Variants in TRDN observed in about 807,000 individuals in gnomAD.
TRDN encodes the protein triadin, also known as triadin in skeletal muscle.
In TRDN, 161 loss-of-function variants were observed where a neutral mutation model predicts 149.7. The observed-to-expected ratio is 1.08, with a 90% CI of 0.95 to 1.23. TRDN has a LOEUF of 1.23. Ranked by LOEUF, TRDN falls within the 50% of genes most tolerant of loss-of-function variation. The probability of loss-of-function intolerance (pLI) is 0.00; values close to 1 mark genes in which losing one functional copy is unlikely to be tolerated. For synonymous variants in TRDN, 294 were observed against 250.5 expected (o/e 1.17, Z -1.64); for missense variants, 896 against 823.5 (o/e 1.09, Z -1.08).
chr6:123,306,654 C>G (rs1371289826), intron 24 of TRDN, among the ~76,000 whole-genome samples: 1 of 152,014 alleles, frequency 6.6e-6, no homozygotes, highest in African/African-American at 2.4e-5. Context: ...CTGTCACTCA[C>G]CAATGGGAGC....
chr6:123,267,072 A>C (rs1777035027), intron 32 of TRDN, among the ~76,000 whole-genome samples: 1 of 133,386 alleles, frequency 7.5e-6, no homozygotes. Context: ...GAGCCACTGC[A>C]CTCCAGCCTG....
chr6:123,218,620 T>A lies in TRDN; in HGVS notation c.2171A>T (p.Gln724Leu). Residue 724 changes from glutamine (Q) to leucine (L), a missense_variant, in exon 41 of 41, where the codon CAG becomes CTG. Physicochemically the swap from Gln to Leu is moderately radical, Grantham distance 113. Coordinates refer to ENST00000334268, the MANE Select transcript of TRDN (RefSeq NM_006073.4). ...GTGTGTTTACTGTCCTTGTTGCTTC[T>A]GTCCTGGAGAATTTGCTTGACCAGA... is the stretch of plus-strand genomic sequence containing the variant. ...ESSGQANSPG[Q>L]KQQGQ The A allele has an allele frequency of 6.2e-7, 1 of 1,611,584 alleles. No individual in the cohort carries two copies. Among genetic ancestry groups the A allele is most frequent in the African/African-American group, 1.3e-5 (1 of 74,862 alleles).
At chr6:123,511,902 A>T (rs954901820) in intron 7 of TRDN, among the ~76,000 whole-genome samples, 5 of 151,986 alleles carry the variant, frequency 3.3e-5, no homozygotes, top group African/African-American at 1.2e-4. Context: ...ATCTGTCTAC[A>T]TTTAAAGACT....
intron 1 of TRDN, among the ~76,000 whole-genome samples, chr6:123,635,697 T>G (rs2114756270): frequency 6.6e-6 from 1 of 152,006 alleles, no homozygotes; most frequent in Middle Eastern, 3.4e-3. Context: ...AATATTCTAT[T>G]TTTCAGTTGT....
At position 123,224,071 on chromosome 6, in the gene TRDN, GATCCAAAGACAGCAAACTC is replaced by G. The variant is rs752631150; in HGVS notation, c.2014+3_2014+21del. ...TAGCTTTGAGAGAAAACTTGTAAATGATCCAAAGACAGCAAACTCACCTTTAGCTTTCTTTGAAGCTGGT... is the reference window on the plus strand; with the variant it reads ...TAGCTTTGAGAGAAAACTTGTAAATGACCTTTAGCTTTCTTTGAAGCTGGT... On this transcript the variant is annotated splice_donor_5th_base_variant and intron_variant, in intron 39 of 40. Coordinates refer to ENST00000334268, the MANE Select transcript of TRDN (RefSeq NM_006073.4). 6.3e-7 allele frequency: 1 copy of G among 1,595,550 alleles called. No homozygotes were observed. The highest frequency in any genetic ancestry group is 1.1e-5 in the South Asian group (1 of 89,996).
At chr6:123,452,546 G>T (rs1775844684) in intron 10 of TRDN, among the ~76,000 whole-genome samples, 1 of 151,642 alleles carries the variant, frequency 6.6e-6, no homozygotes, top group Non-Finnish European at 1.5e-5. Context: ...CCTAACCAAG[G>T]AGTCGAAAGA....
chr6:123,254,803 TA>T, intron 37 of TRDN: 3 of 268,632 alleles, frequency 1.1e-5, no homozygotes, highest in South Asian at 5.0e-5. Flanking sequence ...TTATTCATGC[TA>T]AAAAAGTCTT....
intron 12 of TRDN, chr6:123,418,719 C>T (rs1773766511): frequency 6.6e-6 from 1 of 152,186 alleles, no homozygotes; most frequent in Non-Finnish European, 1.5e-5. Flanking sequence ...ATTCCATCTT[C>T]TCGGTTTATA....
intron 38 of TRDN, among the ~76,000 whole-genome samples, chr6:123,238,489 A>C (rs1202194595): frequency 6.6e-6 from 1 of 152,170 alleles, no homozygotes; most frequent in Non-Finnish European, 1.5e-5. Flanking sequence ...AAAAACATAT[A>C]AAAGGAAAAA....
chr6:123,575,482 A>G (rs989259233), intron 1 of TRDN, among the ~76,000 whole-genome samples: 5 of 152,122 alleles, frequency 3.3e-5, no homozygotes, highest in African/African-American at 1.2e-4. Flanking sequence ...GGCAGAAAAA[A>G]TGAGAGGTAA....
chr6:123,285,543 G>A (rs1582822179), intron 24 of TRDN, among the ~76,000 whole-genome samples: 1 of 152,062 alleles, frequency 6.6e-6, no homozygotes, highest in South Asian at 2.1e-4. Context: ...AACTCAAGAT[G>A]CATCAAGGGC....
At chr6:123,510,818 A>G (rs1425076363) in intron 7 of TRDN, among the ~76,000 whole-genome samples, 1 of 151,816 alleles carries the variant, frequency 6.6e-6, no homozygotes, top group Non-Finnish European at 1.5e-5. Context: ...TAATTTTTTA[A>G]TTTTTACTAG....
At chr6:123,438,541 T>G (rs547628270) in intron 11 of TRDN, among the ~76,000 whole-genome samples, 1 of 152,172 alleles carries the variant, frequency 6.6e-6, no homozygotes, top group East Asian at 1.9e-4. Context: ...AAACAACCAA[T>G]TAAAATATAT....
chr6:123,503,280 G>GT (rs914649839), intron 8 of TRDN: 1 of 985,162 alleles, frequency 1.0e-6, no homozygotes, highest in African/African-American at 1.7e-5. Context: ...TGTATGGATA[G>GT]TTTTTATGAT....
intron 9 of TRDN, among the ~76,000 whole-genome samples, chr6:123,487,318 T>TCCA (rs1430371578): frequency 1.3e-5 from 2 of 152,202 alleles, no homozygotes; most frequent in East Asian, 3.9e-4. Context: ...CATTTAAGTA[T>TCCA]CCACCACATA....
At chr6:123,587,969 G>A (rs563552547) in intron 1 of TRDN, among the ~76,000 whole-genome samples, 6 of 152,306 alleles carry the variant, frequency 3.9e-5, no homozygotes, top group African/African-American at 1.2e-4. Context: ...GCAGGTCACA[G>A]GGGATATGAT....
chr6:123,301,754 T>TATATATATATATATAC lies in TRDN; in HGVS notation c.1510+14687_1510+14702dup, dbSNP rs144766206. 1.2e-3 allele frequency among the ~76,000 whole-genome samples: 82 copies of TATATATATATATATAC among 66,276 alleles called. 3 individuals are homozygous for TATATATATATATATAC. Among genetic ancestry groups the TATATATATATATATAC allele is most frequent in the Middle Eastern group, 9.1e-3 (1 of 110 alleles). 43.5% of individuals were successfully genotyped at this position (66,276 alleles called of 152,430 possible). On this transcript the variant is annotated intron_variant, in intron 24 of 40. Transcript: ENST00000334268. ...GTATGTATGTATGTATATATATACA[T>TATATATATATATATAC]ATATATATATATATACATATATATA...
rs9388215 is a variant in TRDN at position 123,310,672 on chromosome 6, T to C, written c.1510+5785A>G. ...TTTTAGAAAGAGATTTGGCTTTTTT[T>C]AAAATGTCACAACAATAGGAGAAGA... On this transcript the variant is annotated intron_variant, in intron 24 of 40. Coordinates refer to ENST00000334268, the MANE Select transcript of TRDN (RefSeq NM_006073.4). Among the ~76,000 whole-genome samples the C allele has an allele frequency of 3.2e-3, 490 of 151,932 alleles. 1 individual carries two copies. The highest frequency in any genetic ancestry group is 4.1e-3 in the Admixed American group (62 of 15,206).
chr6:123,411,206 C>A (rs1303240646), intron 12 of TRDN, among the ~76,000 whole-genome samples: 1 of 151,742 alleles, frequency 6.6e-6, no homozygotes, highest in Non-Finnish European at 1.5e-5. Context: ...GCCACCACGC[C>A]CAGCTAATTT....
Sources: allele counts gnomAD v4.1 joint callset (sites outside exome capture counted in the v4.1 genomes callset), GRCh38; gene constraint gnomAD v4.1.1; transcripts MANE v1.5; gene names NCBI Gene and HGNC (gene_info 2026-07-23, HGNC 2026-07-21).